CASR: variants seen among roughly 807,000 people sequenced by gnomAD.
CASR encodes the protein calcium sensing receptor.
A neutral mutation model predicts 69.1 loss-of-function variants in CASR; 23 were observed. The ratio of observed to expected loss-of-function variants is 0.33; its 90% CI spans 0.24 to 0.47. CASR has a LOEUF of 0.47. Ranked by LOEUF, CASR falls within the 20% of genes least tolerant of loss-of-function variation. The pLI, the probability that CASR is intolerant of heterozygous loss-of-function variation, is 1.00. For missense variants in CASR, 924 were observed against 1,356.1 expected (o/e 0.68, Z 5.00); for synonymous variants, 541 against 544.7 (o/e 0.99, Z 0.10).
At chr3:122,195,007 GCTC>G (rs34107847) in intron 1 of CASR, among the ~76,000 whole-genome samples, 1 of 150,160 alleles carries the variant, frequency 6.7e-6, no homozygotes, top group African/African-American at 2.5e-5. Flanking sequence ...CCTACTTCCT[GCTC>G]CTCCTCCTCC....
chr3:122,211,440 G>C (rs1009155957), intron 1 of CASR, among the ~76,000 whole-genome samples: 1 of 152,196 alleles, frequency 6.6e-6, no homozygotes, highest in African/African-American at 2.4e-5. Context: ...AGGCACAGGG[G>C]CTCACACATG....
At position 122,258,358 on chromosome 3, in the gene CASR, C is replaced by CT. The variant is rs34570632; in HGVS notation, c.492+991dup. Among the ~76,000 whole-genome samples the CT allele has an allele frequency of 8.5e-3, 983 of 115,158 alleles. 11 individuals carry two copies. The highest frequency in any genetic ancestry group is 0.014 in the African/African-American group (461 of 31,902). The allele number at this position is 115,158 out of a possible 152,430, so 75.5% of individuals were successfully genotyped here. ...TTACATTTCTATGTTGGGAGGGCTC[C>CT]TTTTTTTTTTTTTTTTTTTTGGTGA... On this transcript the variant is annotated intron_variant, in intron 3 of 6. Transcript: ENST00000639785.
rs1291192328 is a variant in CASR, at chr3:122,257,083, A to G, written c.188A>G (p.Tyr63Cys). The G allele has an allele frequency of 1.2e-6, 2 of 1,613,794 alleles. No homozygotes were observed. The highest frequency in any genetic ancestry group is 1.7e-6 in the Non-Finnish European group (2 of 1,179,704). Residue 63 changes from tyrosine (Y) to cysteine (C), a missense_variant and splice_region_variant, in exon 3 of 7, where the codon TAT becomes TGT. Transcript: ENST00000639785. ...SRPESVECIR[Y>C]NFRGFRWLQA... Reference sequence around the variant, plus strand: ...CTTCCACTTCTTCTTTCTTCCAGGTATAATTTCCGTGGGTTTCGCTGGTTA... The same window carrying G: ...CTTCCACTTCTTCTTTCTTCCAGGTGTAATTTCCGTGGGTTTCGCTGGTTA...
intron 4 of CASR, among the ~76,000 whole-genome samples, chr3:122,274,218 A>G (rs1480195280): frequency 2.0e-5 from 3 of 152,208 alleles, no homozygotes; most frequent in Non-Finnish European, 4.4e-5. Context: ...GGGCCTGCCA[A>G]TGGAGCAGCG....
intron 4 of CASR, among the ~76,000 whole-genome samples, chr3:122,264,158 T>C (rs545836915): frequency 6.4e-4 from 96 of 149,352 alleles, no homozygotes; most frequent in Non-Finnish European, 1.0e-3. Context: ...GGACTTTTAG[T>C]TGTGTAATAG....
At chr3:122,235,562 CTG>C (rs1397318549) in intron 1 of CASR, among the ~76,000 whole-genome samples, 1 of 152,144 alleles carries the variant, frequency 6.6e-6, no homozygotes, top group Non-Finnish European at 1.5e-5. Flanking sequence ...TTTTGTTTGG[CTG>C]TGTTATCCTT....
chr3:122,198,175 A>C (rs1299564880), intron 1 of CASR, among the ~76,000 whole-genome samples: 1 of 152,222 alleles, frequency 6.6e-6, no homozygotes, highest in East Asian at 1.9e-4. Flanking sequence ...ATAAAGAGCA[A>C]ATTATCTGTA....
intron 1 of CASR, among the ~76,000 whole-genome samples, chr3:122,219,046 A>T (rs1488010018): frequency 6.6e-6 from 1 of 152,226 alleles, no homozygotes; most frequent in Non-Finnish European, 1.5e-5. Flanking sequence ...GTGGCCGGAA[A>T]TAGTGAGCAA....
At chr3:122,242,295 C>CA (rs1209596130) in intron 1 of CASR, among the ~76,000 whole-genome samples, 1 of 151,856 alleles carries the variant, frequency 6.6e-6, no homozygotes, top group Non-Finnish European at 1.5e-5. Context: ...TAGACTCCAC[C>CA]AAAAAAACTA....
chr3:122,276,155 T>C, intron 5 of CASR, 113 bp downstream of exon 5: 1 of 738,684 alleles, frequency 1.4e-6, no homozygotes, highest in South Asian at 1.5e-5. Context: ...AGAGTCCACT[T>C]CCCTGAACTC....
chr3:122,237,245 G>A (rs912850702), intron 1 of CASR, among the ~76,000 whole-genome samples: 1 of 151,884 alleles, frequency 6.6e-6, no homozygotes, highest in Non-Finnish European at 1.5e-5. Flanking sequence ...AAGTAGCTGG[G>A]ATTACAGGAG....
chr3:122,279,703 CCT>C (rs1233325736), intron 5 of CASR, among the ~76,000 whole-genome samples: 5 of 152,198 alleles, frequency 3.3e-5, no homozygotes, highest in Non-Finnish European at 7.4e-5. Context: ...CAGGTTTTAA[CCT>C]CTCAGGTTAA....
intron 4 of CASR, among the ~76,000 whole-genome samples, chr3:122,272,091 G>GTACACACACACACACA (rs55688288): frequency 3.4e-5 from 5 of 148,820 alleles, no homozygotes; most frequent in Admixed American, 6.7e-5. Context: ...TCCTAGGAAT[G>GTACACACACACACACA]CACACACACA....
chr3:122,240,709 A>G (rs1451199458), intron 1 of CASR, among the ~76,000 whole-genome samples: 1 of 152,258 alleles, frequency 6.6e-6, no homozygotes, highest in Non-Finnish European at 1.5e-5. Context: ...AGAACGTTTC[A>G]TCTAACAGCT....
rs2074965414 is a variant in CASR, at chr3:122,285,989, A to G, written c.*798A>G. Reference sequence around the variant, plus strand: ...ATATAAGGCAGTATTATTGAGCTCTATTTCCCCACCCCACTATCCTCACTC... The same window carrying G: ...ATATAAGGCAGTATTATTGAGCTCTGTTTCCCCACCCCACTATCCTCACTC... On this transcript the variant is annotated 3_prime_UTR_variant, in exon 7 of 7. Transcript: ENST00000639785. 1 of 152,538 alleles carries G rather than the reference A, an allele frequency of 6.6e-6. No homozygotes were observed. The highest frequency in any genetic ancestry group is 1.9e-4 in the East Asian group (1 of 5,202). 9.4% of individuals were successfully genotyped at this position (152,538 alleles called of 1,614,324 possible). A position where few individuals can be genotyped will look rare whatever the true frequency, so the allele number is the denominator to read the frequency against.
chr3:122,231,533 G>A (rs528049235), intron 1 of CASR, among the ~76,000 whole-genome samples: 8 of 152,336 alleles, frequency 5.3e-5, no homozygotes, highest in Admixed American at 6.5e-5. Context: ...ACAATGAGGA[G>A]ACAGAGGCAC....
chr3:122,217,606 G>A (rs11713280), intron 1 of CASR, among the ~76,000 whole-genome samples: 7,883 of 152,288 alleles, frequency 0.052, 274 homozygotes, highest in Middle Eastern at 0.099. Flanking sequence ...CTTGAGGCTG[G>A]ATTTTGACAT....
chr3:122,254,301 T>C lies in CASR; in HGVS notation c.112T>C (p.Phe38Leu). The change falls in exon 2 of 7, where the codon TTT becomes CTT. Residue 38 changes from phenylalanine (F) to leucine (L), a missense_variant. Coordinates refer to ENST00000639785, the MANE Select transcript of CASR (RefSeq NM_000388.4). ...GGGGGACATTATCCTTGGGGGGCTC[T>C]TTCCTATTCATTTTGGAGTAGCAGC... ...KKGDIILGGLFPIHFGVAAKD... is the reference protein window; with the variant it reads ...KKGDIILGGLLPIHFGVAAKD... 6.2e-7 allele frequency: 1 copy of C among 1,614,196 alleles called. No homozygotes were observed. The highest frequency in any genetic ancestry group is 8.5e-7 in the Non-Finnish European group (1 of 1,180,032).
chr3:122,251,411 A>G (rs935185118), intron 1 of CASR, among the ~76,000 whole-genome samples: 2 of 152,182 alleles, frequency 1.3e-5, no homozygotes, highest in African/African-American at 4.8e-5. Context: ...TGAGGGGTTA[A>G]TGTGGGCTGA....
Sources: allele counts gnomAD v4.1 joint callset (sites outside exome capture counted in the v4.1 genomes callset), GRCh38; gene constraint gnomAD v4.1.1; transcripts MANE v1.5; gene names NCBI Gene and HGNC (gene_info 2026-07-23, HGNC 2026-07-21).